BARX2: variants seen among roughly 807,000 people sequenced by gnomAD.
The protein encoded by BARX2 is BARX homeobox 2, also known as homeobox protein BarH-like 2.
BARX2 carries 11 observed loss-of-function variants against 25.5 expected under a neutral mutation model. The observed-to-expected ratio is 0.43, with a 90% CI of 0.27 to 0.71. The LOEUF (loss-of-function observed/expected upper bound fraction) is 0.71, where lower values mean the gene tolerates loss of function less well. Among genes scored for constraint, BARX2 ranks in the 30% least tolerant of loss-of-function variants. The pLI is 0.19. For synonymous variants in BARX2, 137 were observed against 149.5 expected (o/e 0.92, Z 0.61); for missense variants, 360 against 359.9 (o/e 1.00, Z 0.00).
intron 1 of BARX2, among the ~76,000 whole-genome samples, chr11:129,388,788 A>G (rs1006905104): frequency 6.6e-6 from 1 of 152,196 alleles, no homozygotes; most frequent in African/African-American, 2.4e-5. Flanking sequence ...CTTAAATATG[A>G]GATTGATGTA....
chr11:129,391,358 C>T (rs1472989989), intron 1 of BARX2, among the ~76,000 whole-genome samples: 1 of 152,156 alleles, frequency 6.6e-6, no homozygotes, highest in East Asian at 1.9e-4. Flanking sequence ...CACCAGTCTG[C>T]GTGTTGTCTG....
intron 1 of BARX2, among the ~76,000 whole-genome samples, chr11:129,393,396 TA>T (rs1221651331): frequency 4.6e-5 from 7 of 152,122 alleles, no homozygotes; most frequent in Non-Finnish European, 1.0e-4. Flanking sequence ...TAATGCTTTC[TA>T]AAAATATTAA....
chr11:129,397,774 C>G (rs1324466220), intron 1 of BARX2, among the ~76,000 whole-genome samples: 1 of 152,178 alleles, frequency 6.6e-6, no homozygotes, highest in Admixed American at 6.5e-5. Flanking sequence ...GGACACCTAA[C>G]TGAGACTGAG....
At chr11:129,408,045 A>AAAC (rs1861850533) in intron 1 of BARX2, among the ~76,000 whole-genome samples, 1 of 150,930 alleles carries the variant, frequency 6.6e-6, no homozygotes. Context: ...AAAAAAAAAA[A>AAAC]AAGTTGGAGC....
At chr11:129,445,918 G>A (rs763890296) in intron 3 of BARX2, among the ~76,000 whole-genome samples, 8 of 152,182 alleles carry the variant, frequency 5.3e-5, no homozygotes, top group Middle Eastern at 3.4e-3. Context: ...AAAAGAAAAA[G>A]ATAATTGAGT....
chr11:129,376,353 G>A lies in BARX2; in HGVS notation c.187+131G>A, dbSNP rs1462656432. On this transcript the variant is annotated intron_variant, in intron 1 of 3. Transcript: ENST00000281437. The surrounding 1 kb of genome is among the most constrained non-coding windows in gnomAD (Gnocchi z 4.2). ...ATTCTTTTCCTGCGCCTCAGCAAGC[G>A]GTGGGCATTGCAAAGGCATCTGCGA... 3.1e-6 allele frequency: 3 copies of A among 956,330 alleles called. No individual in the cohort carries two copies. Among genetic ancestry groups the A allele is most frequent in the South Asian group, 1.7e-5 (1 of 59,014 alleles). The allele number at this position is 956,330 out of a possible 1,614,324, so 59.2% of individuals were successfully genotyped here.
intron 3 of BARX2, among the ~76,000 whole-genome samples, chr11:129,448,824 G>A (rs1372872760): frequency 6.6e-6 from 1 of 152,200 alleles, no homozygotes; most frequent in African/African-American, 2.4e-5. Context: ...ACTGATGAGT[G>A]AACGAACAAA....
At chr11:129,397,569 C>T (rs552098751) in intron 1 of BARX2, among the ~76,000 whole-genome samples, 3 of 152,318 alleles carry the variant, frequency 2.0e-5, no homozygotes, top group South Asian at 4.1e-4. Context: ...CAACACTTAT[C>T]GTTTCAACTA....
chr11:129,380,624 G>A (rs1861552955), intron 1 of BARX2, among the ~76,000 whole-genome samples: 1 of 152,138 alleles, frequency 6.6e-6, no homozygotes, highest in Non-Finnish European at 1.5e-5. Context: ...GAGGCACATA[G>A]GCTTTTAGTA....
intron 2 of BARX2, chr11:129,437,304 T>C: frequency 1.8e-6 from 1 of 564,496 alleles, no homozygotes; most frequent in African/African-American, 1.9e-5. Flanking sequence ...ACTTAACTAT[T>C]TCAGTATCAT....
chr11:129,421,731 C>A (rs1454878482), intron 1 of BARX2, among the ~76,000 whole-genome samples: 1 of 152,176 alleles, frequency 6.6e-6, no homozygotes, highest in African/African-American at 2.4e-5. Flanking sequence ...CATGTTCCAG[C>A]AACGAGCTCT....
chr11:129,434,180 ATATAT>A (rs1460943828), intron 1 of BARX2, among the ~76,000 whole-genome samples: 5 of 151,986 alleles, frequency 3.3e-5, no homozygotes, highest in African/African-American at 1.2e-4. Context: ...TTTCTCAATA[ATATAT>A]TAGGTATTTT....
intron 1 of BARX2, among the ~76,000 whole-genome samples, chr11:129,417,671 C>T (rs949091345): frequency 6.6e-6 from 1 of 152,190 alleles, no homozygotes; most frequent in Non-Finnish European, 1.5e-5. Flanking sequence ...TTGGTTGTTA[C>T]ACTTGGTGTG....
chr11:129,410,877 C>G (rs566323971), intron 1 of BARX2, among the ~76,000 whole-genome samples: 122 of 152,338 alleles, frequency 8.0e-4, no homozygotes, highest in African/African-American at 2.7e-3. Context: ...GGTCCAGACC[C>G]TCTTCAGATC....
intron 1 of BARX2, among the ~76,000 whole-genome samples, chr11:129,391,008 A>G (rs1444973425): frequency 6.6e-6 from 1 of 152,204 alleles, no homozygotes; most frequent in African/African-American, 2.4e-5. Flanking sequence ...TGATGTTTCA[A>G]TACGTCAGTT....
intron 1 of BARX2, among the ~76,000 whole-genome samples, chr11:129,414,014 C>G (rs944535808): frequency 6.6e-6 from 1 of 150,982 alleles, no homozygotes; most frequent in African/African-American, 2.4e-5. Context: ...TGCAGTGAGC[C>G]GAGATCGCGC....
intron 1 of BARX2, among the ~76,000 whole-genome samples, chr11:129,428,092 G>A (rs1565519032): frequency 6.6e-6 from 1 of 152,234 alleles, no homozygotes. Context: ...GGAAACATTG[G>A]CTAAGAGGAT....
At chr11:129,445,862 C>T (rs369681461) in intron 3 of BARX2, among the ~76,000 whole-genome samples, 1 of 147,294 alleles carries the variant, frequency 6.8e-6, no homozygotes, top group East Asian at 2.0e-4. Flanking sequence ...CATCTAGTTT[C>T]CCAGTAAAAC....
intron 3 of BARX2, among the ~76,000 whole-genome samples, chr11:129,446,160 C>T (rs990812714): frequency 2.0e-5 from 3 of 152,154 alleles, no homozygotes; most frequent in African/African-American, 7.2e-5. Flanking sequence ...GCTTTAGTTC[C>T]CGCAGGACCC....
Sources: allele counts gnomAD v4.1 joint callset (sites outside exome capture counted in the v4.1 genomes callset), GRCh38; gene constraint gnomAD v4.1.1; non-coding constraint Gnocchi (gnomAD v3.1); transcripts MANE v1.5; gene names NCBI Gene and HGNC (gene_info 2026-07-23, HGNC 2026-07-21).